CCDC180: variants seen among roughly 807,000 people sequenced by gnomAD.
The protein encoded by CCDC180 is coiled-coil domain containing 180.
In CCDC180, 154 loss-of-function variants were observed where a neutral mutation model predicts 209.2. The observed-to-expected ratio is 0.74, with a 90% CI of 0.65 to 0.84. The LOEUF (loss-of-function observed/expected upper bound fraction) is 0.84. Among genes scored for constraint, CCDC180 ranks in the 40% least tolerant of loss-of-function variants. The pLI is 0.00. For missense variants in CCDC180, 1,874 were observed against 1,997.3 expected, an observed-to-expected ratio of 0.94 and a Z score of 1.18; for synonymous variants, 778 against 749.1, an observed-to-expected ratio of 1.04 and a Z score of -0.63.
intron 9 of CCDC180, among the ~76,000 whole-genome samples, chr9:97,317,924 A>T (rs1423259914): frequency 5.3e-5 from 8 of 152,206 alleles, no homozygotes; most frequent in Non-Finnish European, 1.5e-5. Flanking sequence ...TGGGCCTGGC[A>T]CCTGGAAGCT....
At chr9:97,333,684 C>T (rs1026820343) in intron 18 of CCDC180, among the ~76,000 whole-genome samples, 3 of 151,626 alleles carry the variant, frequency 2.0e-5, no homozygotes, top group Non-Finnish European at 2.9e-5. Flanking sequence ...AAGAGGTGTT[C>T]ATAGTAGTCT....
At chr9:97,343,789 A>G in intron 19 of CCDC180, 1 of 530,886 alleles carries the variant, frequency 1.9e-6, no homozygotes, top group East Asian at 3.2e-5. Flanking sequence ...CACCCACCTC[A>G]GGAGGCTCTC....
intron 29 of CCDC180, chr9:97,365,205 A>G (rs532255919): frequency 6.3e-4 from 97 of 155,144 alleles, no homozygotes; most frequent in Non-Finnish European, 1.3e-3. Flanking sequence ...GACTATGACC[A>G]TTCATTCTGA....
chr9:97,365,427 G>A, intron 29 of CCDC180: 1 of 473,002 alleles, frequency 2.1e-6, no homozygotes. Context: ...AAAGCCAGGT[G>A]GTCAGAAATT....
chr9:97,361,558 T>A (rs910826098), intron 26 of CCDC180, among the ~76,000 whole-genome samples, 168 bp from the exon 27 acceptor site: 1 of 152,168 alleles, frequency 6.6e-6, no homozygotes, highest in African/African-American at 2.4e-5. Flanking sequence ...AATGGCTCTG[T>A]AAGGGAGATC....
Position 97,347,470 on chromosome 9 carries a change from C to G in CCDC180, c.2655C>G (p.Asp885Glu). 1.3e-6 allele frequency: 2 copies of G among 1,536,146 alleles called. No homozygotes were observed. Among genetic ancestry groups the G allele is most frequent in the Non-Finnish European group, 1.7e-6 (2 of 1,146,914 alleles). ...CAAGAGCCCAGCAGATTGAAAAAGACATCCACAACGTCAGGGCAGGTACAG... is the reference window on the plus strand; with the variant it reads ...CAAGAGCCCAGCAGATTGAAAAAGAGATCCACAACGTCAGGGCAGGTACAG... Reference protein sequence around the residue: ...HQPRAQQIEKDIHNVRAAELL... With the variant: ...HQPRAQQIEKEIHNVRAAELL... The change falls in exon 20 of 37, where the codon GAC (aspartate) becomes GAG (glutamate). Residue 885 changes from aspartate (D) to glutamate (E), a missense_variant. Asp to Glu is a conservative substitution (Grantham distance 45). Coordinates refer to ENST00000529487, the MANE Select transcript of CCDC180 (RefSeq NM_020893.6).
chr9:97,342,115 G>A (rs976980500), intron 18 of CCDC180, among the ~76,000 whole-genome samples: 3 of 152,220 alleles, frequency 2.0e-5, no homozygotes, highest in Admixed American at 6.5e-5. Flanking sequence ...GAAATCCCCC[G>A]ACCCCTTGCG....
rs10981625 is a variant in CCDC180 at position 97,326,689 on chromosome 9, G to A, written c.1661+20G>A. 0.27 allele frequency: 386,565 copies of A among 1,438,906 alleles called. 53,696 individuals carry two copies. Among genetic ancestry groups the A allele is most frequent in the African/African-American group, 0.42 (29,865 of 71,672 alleles). 89.1% of individuals were successfully genotyped at this position (1,438,906 alleles called of 1,614,324 possible). A position where few individuals can be genotyped will look rare whatever the true frequency, so the allele number is the denominator to read the frequency against. On this transcript the variant is annotated intron_variant, in intron 15 of 36. Coordinates refer to ENST00000529487, the MANE Select transcript of CCDC180 (RefSeq NM_020893.6). ...ATCCAGGTAGGCCAACCAGACTCCA[G>A]AAGGCAGGAAGGGATGGTCAGGAAT...
chr9:97,323,701 G>T, intron 12 of CCDC180, 80 bp from the exon 13 acceptor site: 2 of 1,463,510 alleles, frequency 1.4e-6, no homozygotes, highest in Admixed American at 4.5e-5. Context: ...CTTGTGCAAC[G>T]CTGAGGCCTG....
At chr9:97,350,217 A>G (rs1051147083) in intron 21 of CCDC180, among the ~76,000 whole-genome samples, 192 bp from the exon 22 acceptor site, 2 of 148,820 alleles carry the variant, frequency 1.3e-5, no homozygotes, top group Non-Finnish European at 1.5e-5. Flanking sequence ...AAGGTCACCT[A>G]TCACCACCTG....
Position 97,320,183 on chromosome 9 carries a change from C to T in CCDC180, c.1137C>T (p.Leu379=), listed in dbSNP as rs750742655. Residue 379 remains leucine, a synonymous_variant, in exon 11 of 37, where the codon CTC becomes CTT. Coordinates refer to ENST00000529487, the MANE Select transcript of CCDC180 (RefSeq NM_020893.6). ...KTQLTEWHSS[L]NSLNKELDTY... ...AGCTGACTGAGTGGCATTCTTCCCT[C>T]AACTCCCTGAACAAGGAGCTAGGTG... The T allele has an allele frequency of 6.2e-7, 1 of 1,614,168 alleles. No individual in the cohort carries two copies. Among genetic ancestry groups the T allele is most frequent in the South Asian group, 1.1e-5 (1 of 91,078 alleles).
At chr9:97,359,908 G>C (rs200774742) in intron 25 of CCDC180, 74 bp from the exon 26 acceptor site, 4 of 1,576,634 alleles carry the variant, frequency 2.5e-6, no homozygotes, top group Non-Finnish European at 3.5e-6. Flanking sequence ...CCCTGTTCCC[G>C]CACTTCCCAC....
intron 35 of CCDC180, among the ~76,000 whole-genome samples, 162 bp from the exon 36 acceptor site, chr9:97,375,292 C>G (rs1827219557): frequency 6.6e-6 from 1 of 152,166 alleles, no homozygotes; most frequent in Non-Finnish European, 1.5e-5. Context: ...ACAGCTTGAA[C>G]AAGTGCAGCA....
At chr9:97,338,794 A>T (rs1049877011) in intron 18 of CCDC180, among the ~76,000 whole-genome samples, 1 of 152,126 alleles carries the variant, frequency 6.6e-6, no homozygotes, top group Non-Finnish European at 1.5e-5. Flanking sequence ...TGGGAGTCTA[A>T]GTCTCTTTGT....
chr9:97,340,454 G>A (rs1826043396), intron 18 of CCDC180, among the ~76,000 whole-genome samples: 1 of 152,138 alleles, frequency 6.6e-6, no homozygotes, highest in South Asian at 2.1e-4. Context: ...AACAAGAATA[G>A]TTATGCCAGA....
chr9:97,318,072 C>G, intron 9 of CCDC180, among the ~76,000 whole-genome samples: 1 of 152,150 alleles, frequency 6.6e-6, no homozygotes, highest in East Asian at 1.9e-4. Context: ...GAGAAAGGCA[C>G]TATCATGAGT....
intron 17 of CCDC180, 42 bp downstream of exon 17, chr9:97,330,235 CT>C: frequency 6.2e-7 from 1 of 1,611,900 alleles, no homozygotes; most frequent in South Asian, 1.1e-5. Context: ...CCAGACTTCA[CT>C]CTTACGCGTT....
At position 97,378,020 on chromosome 9, in the gene CCDC180, C is replaced by T. The variant is rs1285562322; in HGVS notation, c.*1126C>T. 1 of 152,102 alleles carries T rather than the reference C, an allele frequency of 6.6e-6. No individual in the cohort carries two copies. The highest frequency in any genetic ancestry group is 1.9e-4 in the East Asian group (1 of 5,178). 9.4% of individuals were successfully genotyped at this position (152,102 alleles called of 1,614,324 possible). A position where few individuals can be genotyped will look rare whatever the true frequency, so the allele number is the denominator to read the frequency against. On this transcript the variant is annotated 3_prime_UTR_variant, in exon 37 of 37. Transcript: ENST00000529487. ...CAGCTGAGGCAACATGACGAAACCCCATATCTACTAAAAATACAAAAAGTT... is the reference window on the plus strand; with the variant it reads ...CAGCTGAGGCAACATGACGAAACCCTATATCTACTAAAAATACAAAAAGTT...
In CCDC180 at chr9:97,369,966, G is replaced by T; in HGVS notation, c.4234G>T (p.Val1412Leu). ...GAGATTTGAGGAGCTGCTGCCCCAA[G>T]TGTGTTGGCTGGTGATGGAGAATTT... ...IRRFEELLPQ[V>L]CWLVMENFKE... The change falls in exon 32 of 37, where the codon GTG becomes TTG. Residue 1412 changes from valine to leucine, a missense_variant. Transcript: ENST00000529487. 6.2e-7 allele frequency: 1 copy of T among 1,614,226 alleles called. No individual in the cohort carries two copies. The highest frequency in any genetic ancestry group is 1.1e-5 in the South Asian group (1 of 91,078).
Sources: gnomAD v4.1 joint callset for allele counts (sites outside exome capture counted in the v4.1 genomes callset) on GRCh38, gnomAD v4.1.1 for gene constraint, MANE v1.5 for transcripts, NCBI Gene and HGNC (gene_info 2026-07-23, HGNC 2026-07-21) for gene names.